Variants in E2F2 observed in about 807,000 individuals in gnomAD.
E2F2 encodes E2F transcription factor 2.
A neutral mutation model predicts 42.2 loss-of-function variants in E2F2; 22 were observed. That is an observed-to-expected ratio of 0.52 (90% CI 0.37 to 0.74). The LOEUF is 0.74. Among genes scored for constraint, E2F2 ranks in the 30% least tolerant of loss-of-function variants. E2F2 has a pLI of 0.00. For missense variants in E2F2, 481 were observed against 557.8 expected (o/e 0.86, Z 1.39); for synonymous variants, 248 against 251.6 (o/e 0.99, Z 0.13).
In E2F2 at chr1:23,520,900, C is replaced by A; in HGVS notation, c.737+13G>T. The A allele has an allele frequency of 6.4e-7, 1 of 1,557,178 alleles. No homozygotes were observed. Among genetic ancestry groups the A allele is most frequent in the Non-Finnish European group, 8.7e-7 (1 of 1,150,394 alleles). ...CCTGCTCCCTGACACCTTCCCCCAA[C>A]CAAGGAGGATATCTCTTGTTGGCCT... On this transcript the variant is annotated intron_variant, in intron 4 of 6. Coordinates refer to ENST00000361729, the MANE Select transcript of E2F2 (RefSeq NM_004091.4).
Position 23,507,040 on chromosome 1 carries a change from G to A in E2F2, c.*2840C>T, listed in dbSNP as rs1642809574. 1 of 152,146 alleles carries A rather than the reference G, an allele frequency of 6.6e-6. No individual in the cohort carries two copies. Among genetic ancestry groups the A allele is most frequent in the Non-Finnish European group, 1.5e-5 (1 of 68,050 alleles). The allele number at this position is 152,146 out of a possible 1,614,324, so 9.4% of individuals were successfully genotyped here. ...ATGTCCCTGGCTTCAAGAAATCTCT[G>A]AATCTCCAACTCTACTGGATGATTT... On this transcript the variant is annotated 3_prime_UTR_variant, in exon 7 of 7. Coordinates refer to ENST00000361729, the MANE Select transcript of E2F2 (RefSeq NM_004091.4).
intron 1 of E2F2, 67 bp from the exon 2 acceptor site, chr1:23,524,555 T>TG (rs1643217029): frequency 6.8e-7 from 1 of 1,479,332 alleles, no homozygotes. Context: ...TTCCCTGATG[T>TG]GGGGCCAAAG....
downstream of E2F2, among the ~76,000 whole-genome samples, chr1:23,505,495 T>G (rs1642780389): frequency 6.6e-6 from 1 of 151,988 alleles, no homozygotes; most frequent in African/African-American, 2.4e-5. Flanking sequence ...GAGTTTCTTA[T>G]TCAGCAGGTC....
chr1:23,524,784 C>A (rs767589369), intron 1 of E2F2, among the ~76,000 whole-genome samples: 1 of 152,208 alleles, frequency 6.6e-6, no homozygotes, highest in Non-Finnish European at 1.5e-5. Context: ...TCCTTAACCA[C>A]GGGCCCTAAG....
At chr1:23,516,595 C>A (rs778701961) in intron 5 of E2F2, 68 bp from the exon 6 acceptor site, 7 of 1,325,894 alleles carry the variant, frequency 5.3e-6, no homozygotes, top group Non-Finnish European at 7.2e-6. Flanking sequence ...TGTGTATGGA[C>A]AGACGCACGT....
Position 23,510,119 on chromosome 1 carries a change from C to A in E2F2, c.1075G>T (p.Ala359Ser), listed in dbSNP as rs1642881708. The A allele has an allele frequency of 1.2e-6, 2 of 1,601,890 alleles. No homozygotes were observed. The highest frequency in any genetic ancestry group is 2.3e-5 in the South Asian group (2 of 88,746). The change falls in exon 7 of 7, where the codon GCC (alanine) becomes TCC (serine). Residue 359 changes from alanine to serine, a missense_variant. Transcript: ENST00000361729. ...VPAPAPTPQQ[A>S]PPPPSLVPLE... ...GGGACCAGGGATGGAGGCGGTGGGG[C>A]CTGCTGGGGGGTTGGCGCTGGTGCT...
rs949909456 is a variant in E2F2, at chr1:23,530,499, C to T, written c.252+43G>A. ...GGCACCCCTCCCTCCTTTCCCACAC[C>T]TGGAAAAGCATAGGGGGAAGCGGTG... On this transcript the variant is annotated intron_variant, in intron 1 of 6. Transcript: ENST00000361729. The surrounding 1 kb of genome is among the most constrained non-coding windows in gnomAD (Gnocchi z 4.4). The T allele has an allele frequency of 6.2e-6, 10 of 1,602,768 alleles. No individual in the cohort carries two copies. The African/African-American group carries it at 1.1e-4, about 17-fold the overall frequency.
intron 4 of E2F2, among the ~76,000 whole-genome samples, chr1:23,520,190 G>A (rs1643110039): frequency 1.4e-5 from 2 of 141,436 alleles, no homozygotes; most frequent in Non-Finnish European, 3.0e-5. Context: ...AGGTTGCAGC[G>A]AGCCGAGATT....
In E2F2 at chr1:23,509,536, C is replaced by T. The variant is rs749805144; in HGVS notation, c.*344G>A. 1.4e-4 allele frequency: 31 copies of T among 222,954 alleles called. No homozygotes were observed. Among genetic ancestry groups the T allele is most frequent in the Non-Finnish European group, 1.9e-4 (22 of 114,820 alleles). 13.8% of individuals were successfully genotyped at this position (222,954 alleles called of 1,614,324 possible). A position where few individuals can be genotyped will look rare whatever the true frequency, so the allele number is the denominator to read the frequency against. ...AGGCATTATGTGCTTCTTGGTACGT[C>T]GAGGGTCCTAATTACCCCTCAAAAG... On this transcript the variant is annotated 3_prime_UTR_variant, in exon 7 of 7. Transcript: ENST00000361729.
Position 23,509,965 on chromosome 1 carries a change from T to C in E2F2, c.1229A>G (p.Asp410Gly). 6.2e-7 allele frequency: 1 copy of C among 1,612,636 alleles called. No homozygotes were observed. The highest frequency in any genetic ancestry group is 1.1e-5 in the South Asian group (1 of 90,788). Reference sequence around the variant, plus strand: ...CGCCTCCAAGCCCCACAGGTAGTCGTCCTGGTCCAAGGATGGGGAGAAGCT... The same window carrying C: ...CGCCTCCAAGCCCCACAGGTAGTCGCCCTGGTCCAAGGATGGGGAGAAGCT... ...LISFSPSLDQ[D>G]DYLWGLEAGE... The change falls in exon 7 of 7, where the codon GAC becomes GGC. Residue 410 changes from aspartate to glycine, a missense_variant. Physicochemically the swap from Asp to Gly is moderately conservative, Grantham distance 94 (BLOSUM62 -1). Transcript: ENST00000361729.
At chr1:23,518,582 A>G (rs1351791115) in intron 5 of E2F2, among the ~76,000 whole-genome samples, 1 of 152,176 alleles carries the variant, frequency 6.6e-6, no homozygotes, top group African/African-American at 2.4e-5. Context: ...GCCAAAACAA[A>G]GACAGATGGG....
At chr1:23,521,204 C>A in intron 3 of E2F2, 133 bp from the exon 4 acceptor site, 1 of 1,107,746 alleles carries the variant, frequency 9.0e-7, no homozygotes, top group Admixed American at 3.4e-5. Context: ...CAGGGAGCTA[C>A]CAGGGATTGG....
At position 23,509,167 on chromosome 1, in the gene E2F2, T is replaced by C. The variant is rs909823910; in HGVS notation, c.*713A>G. ...CCTAGGATGGCTCCCTGGGACCATC[T>C]CTGGGACAGAGGCGACCAGGAAGCC... On this transcript the variant is annotated 3_prime_UTR_variant, in exon 7 of 7. Coordinates refer to ENST00000361729, the MANE Select transcript of E2F2 (RefSeq NM_004091.4). 3.3e-5 allele frequency: 5 copies of C among 152,112 alleles called. No homozygotes were observed. Among genetic ancestry groups the C allele is most frequent in the Non-Finnish European group, 7.4e-5 (5 of 68,016 alleles). The allele number at this position is 152,112 out of a possible 1,614,324, so 9.4% of individuals were successfully genotyped here. A position where few individuals can be genotyped will look rare whatever the true frequency, so the allele number is the denominator to read the frequency against.
chr1:23,520,766 T>A (rs1164975983), intron 4 of E2F2, 147 bp downstream of exon 4: 4 of 701,406 alleles, frequency 5.7e-6, no homozygotes, highest in South Asian at 1.1e-4. Context: ...TAAATAATTT[T>A]AAAAATAGAC....
At chr1:23,524,538 T>A (rs759190101) in intron 1 of E2F2, 50 bp from the exon 2 acceptor site, 2 of 1,567,102 alleles carry the variant, frequency 1.3e-6, no homozygotes, top group South Asian at 2.3e-5. Flanking sequence ...CATTCCTCCT[T>A]TAGCCTTTCC....
intron 2 of E2F2, among the ~76,000 whole-genome samples, chr1:23,522,746 T>G (rs1156353366): frequency 1.3e-5 from 2 of 152,188 alleles, no homozygotes; most frequent in Non-Finnish European, 2.9e-5. Context: ...GAAAGGTCCC[T>G]TTCTCAATGA....
In E2F2 at chr1:23,530,475, G is replaced by A. The variant is rs182524490; in HGVS notation, c.252+67C>T. The A allele has an allele frequency of 8.6e-4, 1,355 of 1,575,216 alleles. 1 individual carries two copies. The highest frequency in any genetic ancestry group is 1.5e-3 in the South Asian group (132 of 86,984). On this transcript the variant is annotated intron_variant, in intron 1 of 6. Coordinates refer to ENST00000361729, the MANE Select transcript of E2F2 (RefSeq NM_004091.4). This position sits in a 1 kb window ranked among gnomAD's most constrained non-coding sequence, Gnocchi z 4.4. Reference sequence around the variant, plus strand: ...CTGCTCCACTCAAACTGGATCTCAGGCACCCCTCCCTCCTTTCCCACACCT... The same window carrying A: ...CTGCTCCACTCAAACTGGATCTCAGACACCCCTCCCTCCTTTCCCACACCT...
At chr1:23,524,174 T>C (rs1272691229) in intron 2 of E2F2, among the ~76,000 whole-genome samples, 2 of 151,872 alleles carry the variant, frequency 1.3e-5, no homozygotes, top group African/African-American at 2.4e-5. Flanking sequence ...TCTGAGACTA[T>C]GGGCAAGTCA....
intron 6 of E2F2, among the ~76,000 whole-genome samples, chr1:23,515,336 A>G (rs769825943): frequency 2.0e-5 from 3 of 152,116 alleles, no homozygotes; most frequent in Non-Finnish European, 2.9e-5. Flanking sequence ...ACTTACCTGT[A>G]CTACCTTCCA....
Sources: gnomAD v4.1 joint callset for allele counts (sites outside exome capture counted in the v4.1 genomes callset) on GRCh38, gnomAD v4.1.1 for gene constraint, Gnocchi (gnomAD v3.1) non-coding constraint, MANE v1.5 for transcripts, NCBI Gene and HGNC (gene_info 2026-07-23, HGNC 2026-07-21) for gene names.